Variants in SHROOM3 observed in about 807,000 individuals in gnomAD.
SHROOM3 encodes the protein shroom family member 3.
Under a neutral mutation model 138.6 loss-of-function variants are expected in SHROOM3, and 47 were observed. That is an observed-to-expected ratio of 0.34 (90% CI 0.27 to 0.43). SHROOM3 has a LOEUF of 0.43. Among genes scored for constraint, SHROOM3 ranks in the 20% least tolerant of loss-of-function variants. The probability of loss-of-function intolerance (pLI) is 1.00; values close to 1 mark genes in which losing one functional copy is unlikely to be tolerated. For synonymous variants in SHROOM3, 1,062 were observed against 1,063.3 expected (o/e 1.00, Z 0.02); for missense variants, 2,491 against 2,596.5 (o/e 0.96, Z 0.88).
intron 1 of SHROOM3, among the ~76,000 whole-genome samples, chr4:76,493,661 A>G (rs1457525634): frequency 6.6e-6 from 1 of 152,176 alleles, no homozygotes; most frequent in East Asian, 1.9e-4. Flanking sequence ...CTTTGCTTTT[A>G]TAAACCTTAA....
chr4:76,448,018 TC>T (rs1174560190), intron 1 of SHROOM3, among the ~76,000 whole-genome samples: 72 of 152,128 alleles, frequency 4.7e-4, no homozygotes, highest in African/African-American at 1.7e-3. Flanking sequence ...AGAGGAGGAT[TC>T]CATGGTATAA....
intron 2 of SHROOM3, among the ~76,000 whole-genome samples, chr4:76,680,522 C>T (rs189111006): frequency 5.3e-5 from 8 of 152,264 alleles, no homozygotes; most frequent in Admixed American, 5.2e-4. Flanking sequence ...TAAATAAATA[C>T]CATAAGTGAA....
intron 9 of SHROOM3, among the ~76,000 whole-genome samples, chr4:76,769,837 C>T (rs1003760891): frequency 3.3e-5 from 5 of 152,186 alleles, no homozygotes; most frequent in Non-Finnish European, 7.3e-5. Context: ...ATATGTATGG[C>T]ACATATCAAC....
chr4:76,696,053 C>G (rs187855031), intron 2 of SHROOM3, among the ~76,000 whole-genome samples: 45 of 152,246 alleles, frequency 3.0e-4, no homozygotes, highest in African/African-American at 9.9e-4. Flanking sequence ...GGCAAAATGA[C>G]TGGGAAATGA....
intron 1 of SHROOM3, among the ~76,000 whole-genome samples, chr4:76,549,749 T>C (rs1733308745): frequency 6.6e-6 from 1 of 151,914 alleles, no homozygotes; most frequent in Admixed American, 6.6e-5. Flanking sequence ...TGCTACCAAA[T>C]AGAAAGGTCA....
At chr4:76,525,318 A>G (rs1324378750) in intron 1 of SHROOM3, among the ~76,000 whole-genome samples, 1 of 152,190 alleles carries the variant, frequency 6.6e-6, no homozygotes, top group Non-Finnish European at 1.5e-5. Context: ...TAAAACCATC[A>G]GATCTCGTGA....
At chr4:76,491,055 A>G (rs1188115137) in intron 1 of SHROOM3, among the ~76,000 whole-genome samples, 1 of 152,192 alleles carries the variant, frequency 6.6e-6, no homozygotes, top group African/African-American at 2.4e-5. Flanking sequence ...GGAAGGCAGG[A>G]TGGTTTGGCA....
At chr4:76,636,905 TA>T (rs1735513302) in intron 2 of SHROOM3, among the ~76,000 whole-genome samples, 1 of 152,260 alleles carries the variant, frequency 6.6e-6, no homozygotes. Context: ...CTTAAATGCA[TA>T]CATAGTTCAC....
chr4:76,660,860 G>C (rs576997903), intron 2 of SHROOM3, among the ~76,000 whole-genome samples: 1 of 151,678 alleles, frequency 6.6e-6, no homozygotes, highest in Non-Finnish European at 1.5e-5. Context: ...TGAAGTGCAG[G>C]AGCACAATCA....
intron 1 of SHROOM3, among the ~76,000 whole-genome samples, chr4:76,551,382 T>C (rs755754332): frequency 2.6e-5 from 4 of 152,124 alleles, no homozygotes; most frequent in African/African-American, 4.8e-5. Context: ...ATATAAGAAA[T>C]TGATTGTTTC....
At chr4:76,486,406 A>G (rs556502185) in intron 1 of SHROOM3, among the ~76,000 whole-genome samples, 1 of 152,366 alleles carries the variant, frequency 6.6e-6, no homozygotes, top group East Asian at 1.9e-4. Flanking sequence ...TCAAGGCAGT[A>G]AAGTTGATCA....
At chr4:76,768,047 G>C (rs1054768085) in intron 9 of SHROOM3, among the ~76,000 whole-genome samples, 5 of 152,276 alleles carry the variant, frequency 3.3e-5, no homozygotes, top group African/African-American at 1.2e-4. Flanking sequence ...TAACCCAGTT[G>C]TCTTTAAGTG....
At position 76,756,342 on chromosome 4, in the gene SHROOM3, G is replaced by A. The variant is rs969784124; in HGVS notation, c.4710-107G>A. ...TGTGGAAAGCTACAGCCCTGATGTG[G>A]AAAGCTTCTCCCTCAGTCTTTCTCC... On this transcript the variant is annotated intron_variant, in intron 7 of 10. Transcript: ENST00000296043. 125 of 1,342,120 alleles carry A rather than the reference G, an allele frequency of 9.3e-5. 1 individual carries two copies. In the Admixed American group the frequency reaches 2.6e-3, roughly 28 times the overall value. 83.1% of individuals were successfully genotyped at this position (1,342,120 alleles called of 1,614,324 possible). A position where few individuals can be genotyped will look rare whatever the true frequency, so the allele number is the denominator to read the frequency against.
At chr4:76,515,602 A>T (rs533219527) in intron 1 of SHROOM3, among the ~76,000 whole-genome samples, 2 of 152,150 alleles carry the variant, frequency 1.3e-5, no homozygotes, top group South Asian at 4.2e-4. Context: ...TTGCCCTTAA[A>T]CTCCTCAGTG....
rs1324166921 is a variant in SHROOM3 at position 76,754,628 on chromosome 4, C to T, written c.4145C>T (p.Thr1382Ile). ...GGGCGACAGCCTCTCCCGCCCTACA[C>T]CCCTGCCATGATGCACAGAAGCAAT... is the stretch of plus-strand genomic sequence containing the variant. ...QTGRQPLPPY[T>I]PAMMHRSNGH... Residue 1382 changes from threonine (T) to isoleucine (I), a missense_variant, in exon 7 of 11, where the codon ACC becomes ATC. Physicochemically the swap from Thr to Ile is moderately conservative, Grantham distance 89. Transcript: ENST00000296043. 1.9e-6 allele frequency: 3 copies of T among 1,614,060 alleles called. No homozygotes were observed. The highest frequency in any genetic ancestry group is 1.7e-6 in the Non-Finnish European group (2 of 1,180,034).
chr4:76,517,848 A>G (rs1732474794), intron 1 of SHROOM3, among the ~76,000 whole-genome samples: 1 of 152,148 alleles, frequency 6.6e-6, no homozygotes, highest in Admixed American at 6.6e-5. Flanking sequence ...CTTCCCAGCC[A>G]TTCCCCGTGG....
intron 5 of SHROOM3, among the ~76,000 whole-genome samples, chr4:76,746,405 C>A (rs746228353): frequency 3.9e-5 from 6 of 152,122 alleles, no homozygotes; most frequent in Non-Finnish European, 7.3e-5. Flanking sequence ...CATTGTATTG[C>A]AACTGCCTAC....
At chr4:76,770,980 T>C in intron 10 of SHROOM3, 82 bp downstream of exon 10, 1 of 1,555,234 alleles carries the variant, frequency 6.4e-7, no homozygotes, top group Non-Finnish European at 8.9e-7. Flanking sequence ...CGCCATCCTT[T>C]CTCTCAGGAA....
At chr4:76,604,912 A>C (rs2110057128) in intron 2 of SHROOM3, among the ~76,000 whole-genome samples, 1 of 152,342 alleles carries the variant, frequency 6.6e-6, no homozygotes, top group South Asian at 2.1e-4. Context: ...AATGTGAACT[A>C]GTTTATCTGT....
Sources: allele counts gnomAD v4.1 joint callset (sites outside exome capture counted in the v4.1 genomes callset), GRCh38; gene constraint gnomAD v4.1.1; transcripts MANE v1.5; gene names NCBI Gene and HGNC (gene_info 2026-07-23, HGNC 2026-07-21).